The following KIF17 variants were observed in gnomAD, a reference collection of about 807,000 sequenced individuals.
KIF17 encodes kinesin family member 17.
In KIF17, 80 loss-of-function variants were observed where a neutral mutation model predicts 96.8. That is an observed-to-expected ratio of 0.83 (90% CI 0.69 to 1.00). KIF17 has a LOEUF of 1.00. Among genes scored for constraint, KIF17 ranks in the 50% least tolerant of loss-of-function variants. The pLI, the probability that KIF17 is intolerant of heterozygous loss-of-function variation, is 0.00. For synonymous variants in KIF17, 567 were observed against 587.5 expected (o/e 0.97, Z 0.51); for missense variants, 1,280 against 1,372.9 (o/e 0.93, Z 1.07).
intron 11 of KIF17, among the ~76,000 whole-genome samples, chr1:20,680,704 A>C (rs1355374337): frequency 2.0e-5 from 3 of 152,248 alleles, no homozygotes; most frequent in Admixed American, 6.5e-5. Context: ...AATCAAGAAG[A>C]TATGAAATAG....
chr1:20,671,948 G>C lies in KIF17; in HGVS notation c.2712C>G (p.Ser904Arg), dbSNP rs781137040. The C allele has an allele frequency of 1.9e-6, 3 of 1,613,608 alleles. No homozygotes were observed. The highest frequency in any genetic ancestry group is 2.2e-5 in the East Asian group (1 of 44,872). ...KIPHPVITKT[S>R]LPVVSTGPQN... is the part of the protein sequence containing the mutation. The stretch of plus-strand genomic sequence containing the variant: ...AGCCAAGCTCCTGACCTACTGGGAG[G>C]CTGGTTTTTGTGATGACGGGATGTG... Residue 904 changes from serine to arginine, a missense_variant, in exon 12 of 15, where the codon AGC becomes AGG. Ser to Arg is a moderately radical substitution (Grantham distance 110). Coordinates refer to ENST00000400463, the MANE Select transcript of KIF17 (RefSeq NM_001122819.3).
chr1:20,666,404 T>C (rs1245979854), intron 13 of KIF17, 73 bp from the exon 14 acceptor site: 6 of 1,250,582 alleles, frequency 4.8e-6, no homozygotes, highest in African/African-American at 4.4e-5. Context: ...CAGCCTCTGG[T>C]ATCCTGGGGC....
chr1:20,709,580 T>A lies in KIF17; in HGVS notation c.670+59A>T. The stretch of plus-strand genomic sequence containing the variant: ...TGCGGCCCCGAGAGGTGGCGTGCCT[T>A]GGCTAGTGGGAGTGGCTGGGTCATC... On this transcript the variant is annotated intron_variant, in intron 4 of 14. Coordinates refer to ENST00000400463, the MANE Select transcript of KIF17 (RefSeq NM_001122819.3). This position sits in a 1 kb window ranked among gnomAD's most constrained non-coding sequence, Gnocchi z 4.7. The A allele has an allele frequency of 1.9e-6, 3 of 1,595,354 alleles. No homozygotes were observed. The highest frequency in any genetic ancestry group is 2.6e-6 in the Non-Finnish European group (3 of 1,163,416).
intron 11 of KIF17, among the ~76,000 whole-genome samples, chr1:20,680,165 A>C (rs1414203163): frequency 6.6e-6 from 1 of 152,124 alleles, no homozygotes; most frequent in Non-Finnish European, 1.5e-5. Flanking sequence ...TTCTATTTAA[A>C]ACTACACTTC....
intron 7 of KIF17, among the ~76,000 whole-genome samples, chr1:20,689,213 G>A (rs2053993240): frequency 6.6e-6 from 1 of 152,148 alleles, no homozygotes; most frequent in East Asian, 1.9e-4. Context: ...CCAACAAGCG[G>A]TACCGACGGT....
At position 20,704,619 on chromosome 1, in the gene KIF17, G is replaced by A; in HGVS notation, c.951C>T (p.Asn317=). ...LMVACLSPAD[N]NYDETLSTLR... is the part of the protein sequence containing the mutation. ...GCGTGCTGAGTGTCTCATCGTAGTTGTTGTCCGCAGGCGACAGGCAGGCCA... is the reference window on the plus strand; with the variant it reads ...GCGTGCTGAGTGTCTCATCGTAGTTATTGTCCGCAGGCGACAGGCAGGCCA... Residue 317 remains asparagine, a synonymous_variant, in exon 5 of 15, where the codon AAC becomes AAT. Coordinates refer to ENST00000400463, the MANE Select transcript of KIF17 (RefSeq NM_001122819.3). The surrounding 1 kb of genome is among the most constrained non-coding windows in gnomAD (Gnocchi z 6.8). 7 of 1,614,148 alleles carry A rather than the reference G, an allele frequency of 4.3e-6. No individual in the cohort carries two copies. The highest frequency in any genetic ancestry group is 5.9e-6 in the Non-Finnish European group (7 of 1,180,038).
At position 20,669,993 on chromosome 1, in the gene KIF17, G is replaced by GAA. The variant is rs67188527; in HGVS notation, c.2790+426_2790+427dup. 4.3e-4 allele frequency among the ~76,000 whole-genome samples: 53 copies of GAA among 122,548 alleles called. 1 individual carries two copies. The highest frequency in any genetic ancestry group is 3.4e-3 in the South Asian group (13 of 3,828). 80.4% of individuals were successfully genotyped at this position (122,548 alleles called of 152,430 possible). A position where few individuals can be genotyped will look rare whatever the true frequency, so the allele number is the denominator to read the frequency against. Reference sequence around the variant, plus strand: ...GGTCTTGCCACTGAGCTTAGAAAAAGAAAAAAAAAAAAAAAGACAGAATAT... The same window carrying GAA: ...GGTCTTGCCACTGAGCTTAGAAAAAGAAAAAAAAAAAAAAAAAGACAGAATAT... On this transcript the variant is annotated intron_variant, in intron 13 of 14. Coordinates refer to ENST00000400463, the MANE Select transcript of KIF17 (RefSeq NM_001122819.3).
At chr1:20,712,590 ATATCTATATATATC>A (rs1557606220) in intron 3 of KIF17, among the ~76,000 whole-genome samples, 213 of 19,274 alleles carry the variant, frequency 0.011, 29 homozygotes, top group Non-Finnish European at 0.02. Flanking sequence ...ATCTATATAT[ATATCTATATATATC>A]TATATATATA....
intron 11 of KIF17, among the ~76,000 whole-genome samples, chr1:20,674,878 G>T (rs1327116779): frequency 6.6e-6 from 1 of 151,976 alleles, no homozygotes; most frequent in Non-Finnish European, 1.5e-5. Flanking sequence ...GGCTGGGCGT[G>T]GTGTCTCACT....
In KIF17 at chr1:20,704,755, T is replaced by C. The variant is rs1256373121; in HGVS notation, c.815A>G (p.Asn272Ser). Residue 272 changes from asparagine (N) to serine (S), a missense_variant, in exon 5 of 15, where the codon AAT becomes AGT. Asn to Ser is a conservative substitution (Grantham distance 46). Transcript: ENST00000400463. The surrounding 1 kb of genome is among the most constrained non-coding windows in gnomAD (Gnocchi z 6.8). ...CCCGTCCACCAGCGCCGAGATGACATTGCCCAGTGCCGAGAGCGACAGGTT... is the reference window on the plus strand; with the variant it reads ...CCCGTCCACCAGCGCCGAGATGACACTGCCCAGTGCCGAGAGCGACAGGTT... ...KINLSLSALG[N>S]VISALVDGRC... 1.2e-6 allele frequency: 2 copies of C among 1,612,528 alleles called. No homozygotes were observed. Among genetic ancestry groups the C allele is most frequent in the Non-Finnish European group, 1.7e-6 (2 of 1,179,384 alleles).
chr1:20,710,912 C>T (rs1322607139), intron 3 of KIF17, among the ~76,000 whole-genome samples: 1 of 152,110 alleles, frequency 6.6e-6, no homozygotes, highest in East Asian at 1.9e-4. Context: ...CGATGGAAGG[C>T]TCCAGGGTTC....
chr1:20,679,326 A>T (rs560827780), intron 11 of KIF17, among the ~76,000 whole-genome samples: 2 of 152,074 alleles, frequency 1.3e-5, no homozygotes, highest in East Asian at 1.9e-4. Flanking sequence ...ATAATAATAA[A>T]AAAATTAGCC....
downstream of KIF17, among the ~76,000 whole-genome samples, chr1:20,663,752 CT>C: frequency 6.6e-6 from 1 of 152,362 alleles, no homozygotes; most frequent in South Asian, 2.1e-4. Context: ...AAGCTGGGCC[CT>C]TTTCTGGCCT....
At position 20,684,695 on chromosome 1, in the gene KIF17, C is replaced by A. The variant is rs75612459; in HGVS notation, c.2231+114G>T. On this transcript the variant is annotated intron_variant, in intron 10 of 14. Transcript: ENST00000400463. ...TGGAGAGAGGATCAGGGCCGCCCTG[C>A]CAAGTTAGAAGGGAGAGCTGGGAGG... The A allele has an allele frequency of 8.6e-4, 959 of 1,116,888 alleles. 2 individuals are homozygous for A. The highest frequency in any genetic ancestry group is 1.0e-3 in the Non-Finnish European group (803 of 772,536). The allele number at this position is 1,116,888 out of a possible 1,614,324, so 69.2% of individuals were successfully genotyped here.
Position 20,700,062 on chromosome 1 carries a change from TTTTTG to T in KIF17, c.1124-1579_1124-1575del, listed in dbSNP as rs929394507. ...GCAGCAGTGAACTGGCTGTAGCCAG[TTTTTG>T]TTTTGTTTTGTTTTGTTTTTTGAGA... On this transcript the variant is annotated intron_variant, in intron 5 of 14. Transcript: ENST00000400463. The surrounding 1 kb of genome is among the most constrained non-coding windows in gnomAD (Gnocchi z 4.6). Among the ~76,000 whole-genome samples the T allele has an allele frequency of 7.2e-5, 11 of 151,808 alleles. No individual in the cohort carries two copies. The highest frequency in any genetic ancestry group is 2.7e-4 in the African/African-American group (11 of 41,330).
intron 4 of KIF17, among the ~76,000 whole-genome samples, chr1:20,707,822 T>TGTGG (rs1482589436): frequency 6.8e-6 from 1 of 146,692 alleles, no homozygotes; most frequent in East Asian, 2.0e-4. Context: ...TGTGTGTGTG[T>TGTGG]GTGTGTGTGT....
intron 10 of KIF17, 139 bp downstream of exon 10, chr1:20,684,670 T>C: frequency 2.4e-6 from 2 of 827,380 alleles, no homozygotes; most frequent in Non-Finnish European, 3.9e-6. Flanking sequence ...CCACTGCGCC[T>C]GGAGAGAGGA....
Position 20,685,260 on chromosome 1 carries a change from A to C in KIF17, c.2020-240T>G. The C allele has an allele frequency of 9.7e-5, 64 of 656,454 alleles. No homozygotes were observed. Among genetic ancestry groups the C allele is most frequent in the East Asian group, 3.6e-4 (12 of 32,928 alleles). The allele number at this position is 656,454 out of a possible 1,614,324, so 40.7% of individuals were successfully genotyped here. A position where few individuals can be genotyped will look rare whatever the true frequency, so the allele number is the denominator to read the frequency against. ...CCAGCTTCCTCTCTCACCTCCCACA[A>C]TCCAGTCTCCACAGGCAGCCAGGGC... On this transcript the variant is annotated intron_variant, in intron 9 of 14. Coordinates refer to ENST00000400463, the MANE Select transcript of KIF17 (RefSeq NM_001122819.3). This position sits in a 1 kb window ranked among gnomAD's most constrained non-coding sequence, Gnocchi z 4.1.
chr1:20,714,423 G>A (rs2054540834), intron 2 of KIF17, among the ~76,000 whole-genome samples: 1 of 152,200 alleles, frequency 6.6e-6, no homozygotes, highest in South Asian at 2.1e-4. Flanking sequence ...CCGGGAGGCA[G>A]AGGTTGCAGT....
Sources: allele counts gnomAD v4.1 joint callset (sites outside exome capture counted in the v4.1 genomes callset), GRCh38; gene constraint gnomAD v4.1.1; non-coding constraint Gnocchi (gnomAD v3.1); transcripts MANE v1.5; gene names NCBI Gene and HGNC (gene_info 2026-07-23, HGNC 2026-07-21).